FRMD1: variants seen among roughly 807,000 people sequenced by gnomAD.
FRMD1 encodes FERM domain-containing protein 1.
A neutral mutation model predicts 54.9 loss-of-function variants in FRMD1; 51 were observed. That is an observed-to-expected ratio of 0.93 (90% CI 0.74 to 1.17). The LOEUF (loss-of-function observed/expected upper bound fraction) is 1.17. Ranked by LOEUF, FRMD1 falls within the 50% of genes most tolerant of loss-of-function variation. The probability of loss-of-function intolerance (pLI) is 0.00; values close to 1 mark genes in which losing one functional copy is unlikely to be tolerated. For missense variants in FRMD1, 729 were observed against 743.0 expected (o/e 0.98, Z 0.22); for synonymous variants, 324 against 306.4 (o/e 1.06, Z -0.60).
chr6:168,061,709 G>T, intron 8 of FRMD1, 98 bp downstream of exon 8: 1 of 1,286,486 alleles, frequency 7.8e-7, no homozygotes, highest in Non-Finnish European at 1.1e-6. Context: ...ACAACAATAA[G>T]AGACAGAAGG....
rs576650912 is a variant in FRMD1 at position 168,056,751 on chromosome 6, G to C, written c.*346C>G. 14 of 197,194 alleles carry C rather than the reference G, an allele frequency of 7.1e-5. No homozygotes were observed. In the South Asian group the frequency reaches 1.8e-3, roughly 25 times the overall value. 12.2% of individuals were successfully genotyped at this position (197,194 alleles called of 1,614,324 possible). The stretch of plus-strand genomic sequence containing the variant: ...GTCTCTCCAGGGTCTGGGCCCAGCT[G>C]TGTCACCTTCTCTCCCAGATTAGGA... On this transcript the variant is annotated 3_prime_UTR_variant, in exon 11 of 11. Coordinates refer to ENST00000283309, the MANE Select transcript of FRMD1 (RefSeq NM_024919.6).
rs777032841 is a variant in FRMD1, at chr6:168,066,755, C to T, written c.461G>A (p.Ser154Asn). ...QHYVENGRVI[S>N]DHRARHLYYC... ...CCCCTTACAGTCCGCATGCCGTTAC[C>T]TTATGACCCTTCCGTTTTCCACGTA... The change falls in exon 4 of 11, where the codon AGC (serine) becomes AAC (asparagine). Residue 154 changes from serine (S) to asparagine (N), a missense_variant and splice_region_variant. Transcript: ENST00000283309. 6.8e-6 allele frequency: 11 copies of T among 1,613,688 alleles called. No individual in the cohort carries two copies. The highest frequency in any genetic ancestry group is 9.3e-6 in the Non-Finnish European group (11 of 1,179,952).
intron 5 of FRMD1, 36 bp from the exon 6 acceptor site, chr6:168,063,792 G>T (rs900399433): frequency 1.3e-6 from 2 of 1,571,534 alleles, no homozygotes; most frequent in Middle Eastern, 1.7e-4. Context: ...TCAGACCCCT[G>T]CTGGTCCCCC....
chr6:168,056,927 G>T lies in FRMD1; in HGVS notation c.*170C>A. 1 of 744,344 alleles carries T rather than the reference G, an allele frequency of 1.3e-6. No homozygotes were observed. The highest frequency in any genetic ancestry group is 2.0e-6 in the Non-Finnish European group (1 of 509,826). 46.1% of individuals were successfully genotyped at this position (744,344 alleles called of 1,614,324 possible). A position where few individuals can be genotyped will look rare whatever the true frequency, so the allele number is the denominator to read the frequency against. On this transcript the variant is annotated 3_prime_UTR_variant, in exon 11 of 11. Coordinates refer to ENST00000283309, the MANE Select transcript of FRMD1 (RefSeq NM_024919.6). ...TGCGGGACCTGTTTGTTACCTCCCAGGTTGATGTCAGAGCCAGCTCCACAC... is the reference window on the plus strand; with the variant it reads ...TGCGGGACCTGTTTGTTACCTCCCATGTTGATGTCAGAGCCAGCTCCACAC...
Position 168,068,073 on chromosome 6 carries a change from C to T in FRMD1, c.305-627G>A, listed in dbSNP as rs563222270. Among the ~76,000 whole-genome samples the T allele has an allele frequency of 7.9e-5, 12 of 152,266 alleles. No individual in the cohort carries two copies. In the East Asian group the frequency reaches 1.9e-3, roughly 25 times the overall value. ...GCTGCAGAAAGCTATGAACGTGCCA[C>T]TGCACTCCAGTGTGGGTGATAAGAG... On this transcript the variant is annotated intron_variant, in intron 2 of 10. Coordinates refer to ENST00000283309, the MANE Select transcript of FRMD1 (RefSeq NM_024919.6).
chr6:168,078,647 CGGCCACCCAG>C (rs1490804393), intron 1 of FRMD1, among the ~76,000 whole-genome samples: 156 of 135,120 alleles, frequency 1.2e-3, no homozygotes, highest in Non-Finnish European at 1.8e-3. Context: ...CTCACCCCCA[CGGCCACCCAG>C]GGCCCTGCTC....
intron 2 of FRMD1, among the ~76,000 whole-genome samples, chr6:168,068,452 T>C (rs914346620): frequency 1.3e-5 from 2 of 152,180 alleles, no homozygotes; most frequent in African/African-American, 4.8e-5. Flanking sequence ...GGGGATGGTG[T>C]AGAGTTTGCA....
chr6:168,082,620 G>T (rs1160093671), upstream of FRMD1, among the ~76,000 whole-genome samples: 2 of 152,206 alleles, frequency 1.3e-5, no homozygotes, highest in Non-Finnish European at 2.9e-5. Context: ...GAGGCACACA[G>T]CAGCTAAGTG....
chr6:168,064,853 G>T lies in FRMD1; in HGVS notation c.648+18C>A, dbSNP rs1239053112. On this transcript the variant is annotated intron_variant, in intron 5 of 10. Coordinates refer to ENST00000283309, the MANE Select transcript of FRMD1 (RefSeq NM_024919.6). ...CACCAGACTAGCAGTGCTGGGAGGA[G>T]GTGGGCCCTGACCTTACCCACTGTG... 2.6e-6 allele frequency: 4 copies of T among 1,544,238 alleles called. No individual in the cohort carries two copies. The highest frequency in any genetic ancestry group is 3.5e-6 in the Non-Finnish European group (4 of 1,142,128).
Position 168,062,909 on chromosome 6 carries a change from TC to T in FRMD1, c.854del (p.Gly285GlufsTer189), listed in dbSNP as rs1215599370. ...PTVILGLALR[G>X]VHIYQGKKLE... is the part of the protein sequence containing the mutation. The stretch of plus-strand genomic sequence containing the variant: ...CTTCGGTCACCTGGTAGATGTGCAC[TC>T]CCCTGAGGGCCAGTCCCAGGATCAC... On this transcript the variant is annotated frameshift_variant, in exon 7 of 11. Transcript: ENST00000283309. LOFTEE classifies it high-confidence loss of function. 7 of 1,613,192 alleles carry T rather than the reference TC, an allele frequency of 4.3e-6. No individual in the cohort carries two copies. Among genetic ancestry groups the T allele is most frequent in the Non-Finnish European group, 5.9e-6 (7 of 1,179,450 alleles).
intron 4 of FRMD1, chr6:168,066,141 G>T: frequency 1.0e-6 from 1 of 987,750 alleles, no homozygotes; most frequent in Non-Finnish European, 1.2e-6. Context: ...GCGACCTCCA[G>T]AAGCCTCGCC....
chr6:168,075,756 T>G (rs1246233842), intron 1 of FRMD1: 7 of 1,550,426 alleles, frequency 4.5e-6, no homozygotes, highest in Non-Finnish European at 6.1e-6. Context: ...ATCGCCCAAC[T>G]GATGCGAGTG....
chr6:168,075,817 C>T, intron 1 of FRMD1: 1 of 1,548,418 alleles, frequency 6.5e-7, no homozygotes, highest in Non-Finnish European at 8.7e-7. Context: ...CTCTAAACAC[C>T]CAGCGTCTGG....
chr6:168,076,011 C>T (rs2115012951), intron 1 of FRMD1: 2 of 859,030 alleles, frequency 2.3e-6, no homozygotes, highest in Admixed American at 2.2e-5. Flanking sequence ...CACGCCTGTT[C>T]AGCCCCGGCA....
In FRMD1 at chr6:168,065,054, G is replaced by A. The variant is rs1799959868; in HGVS notation, c.465C>T (p.Asp155=). 1.9e-6 allele frequency: 3 copies of A among 1,598,888 alleles called. No individual in the cohort carries two copies. The highest frequency in any genetic ancestry group is 2.6e-6 in the Non-Finnish European group (3 of 1,170,186). Residue 155 remains aspartate, a synonymous_variant, in exon 5 of 11, where the codon GAC becomes GAT. Coordinates refer to ENST00000283309, the MANE Select transcript of FRMD1 (RefSeq NM_024919.6). ...AGTAGTACAGGTGCCGTGCCCTGTGGTCGCTGGAAGGTGGCAGGGAGTGAG... is the reference window on the plus strand; with the variant it reads ...AGTAGTACAGGTGCCGTGCCCTGTGATCGCTGGAAGGTGGCAGGGAGTGAG... ...HYVENGRVIS[D]HRARHLYYCH... is the part of the protein sequence containing the mutation.
At chr6:168,060,354 G>T in intron 9 of FRMD1, among the ~76,000 whole-genome samples, 1 of 110,890 alleles carries the variant, frequency 9.0e-6, no homozygotes, top group Non-Finnish European at 1.8e-5. Flanking sequence ...TGGGAGGGGG[G>T]TTCTTCCTAG....
chr6:168,089,784 A>C (rs1800984281), intron 1 of FRMD1, among the ~76,000 whole-genome samples: 1 of 152,192 alleles, frequency 6.6e-6, no homozygotes, highest in Admixed American at 6.5e-5. Flanking sequence ...TTCACTAGAA[A>C]ATGGAACTCT....
chr6:168,072,079 C>T (rs910904774), intron 2 of FRMD1, among the ~76,000 whole-genome samples: 3 of 152,252 alleles, frequency 2.0e-5, no homozygotes, highest in African/African-American at 7.2e-5. Context: ...GCCGGGGCTG[C>T]CGACTTCATG....
intron 1 of FRMD1, among the ~76,000 whole-genome samples, chr6:168,087,493 G>A (rs1243885931): frequency 1.3e-5 from 2 of 152,250 alleles, no homozygotes; most frequent in East Asian, 1.9e-4. Flanking sequence ...CAGGTGCACA[G>A]AGAGGTTAAA....
Sources: allele counts gnomAD v4.1 joint callset (sites outside exome capture counted in the v4.1 genomes callset), GRCh38; gene constraint gnomAD v4.1.1; transcripts MANE v1.5; gene names NCBI Gene and HGNC (gene_info 2026-07-23, HGNC 2026-07-21).